The following GIGYF2 variants were observed in gnomAD, a reference collection of about 807,000 sequenced individuals.
GIGYF2 encodes the protein GRB10 interacting GYF protein 2.
A neutral mutation model predicts 208.1 loss-of-function variants in GIGYF2; 25 were observed. That is an observed-to-expected ratio of 0.12 (90% confidence interval 0.09 to 0.17). The LOEUF is 0.17. Among genes scored for constraint, GIGYF2 ranks in the 10% least tolerant of loss-of-function variants. GIGYF2 has a pLI of 1.00. For missense variants in GIGYF2, 1,302 were observed against 1,579.4 expected (o/e 0.82, Z 2.98); for synonymous variants, 534 against 543.8 (o/e 0.98, Z 0.25).
intron 27 of GIGYF2, among the ~76,000 whole-genome samples, chr2:232,849,252 A>G (rs1034825833): frequency 6.6e-6 from 1 of 151,872 alleles, no homozygotes; most frequent in African/African-American, 2.4e-5. Context: ...GCAACCTCCA[A>G]CTCCCGGGTT....
intron 21 of GIGYF2, among the ~76,000 whole-genome samples, chr2:232,829,830 CAT>C (rs1177819025): frequency 3.3e-5 from 5 of 152,140 alleles, no homozygotes; most frequent in Admixed American, 1.3e-4. Context: ...TTAGGCAAAA[CAT>C]AAATAAAAAT....
chr2:232,818,953 C>A (rs1700994069), intron 20 of GIGYF2, among the ~76,000 whole-genome samples: 1 of 151,952 alleles, frequency 6.6e-6, no homozygotes, highest in Non-Finnish European at 1.5e-5. Context: ...GAGGTATATA[C>A]TTTTAATATT....
intron 2 of GIGYF2, chr2:232,729,792 G>C (rs966127708): frequency 4.8e-5 from 36 of 748,932 alleles, no homozygotes; most frequent in South Asian, 2.0e-4. Context: ...ACTTGGCAAC[G>C]AGTGCAGGTT....
Position 232,794,833 on chromosome 2 carries a change from C to G in GIGYF2, c.1368C>G (p.Pro456=). The G allele has an allele frequency of 1.2e-6, 2 of 1,613,744 alleles. No homozygotes were observed. The highest frequency in any genetic ancestry group is 1.7e-6 in the Non-Finnish European group (2 of 1,179,692). The part of the protein sequence containing the change: ...SPLLILPPPV[P]NPSPTLRPVE... ...TTCTCATACTTCCACCTCCTGTTCC[C>G]AATCCTAGTCCTACTCTCCGGCCAG... The change falls in exon 13 of 29, where the codon CCC becomes CCG. Residue 456 remains proline (P), a synonymous_variant. Transcript: ENST00000373563.
intron 5 of GIGYF2, 87 bp downstream of exon 5, chr2:232,749,169 G>A: frequency 1.3e-6 from 1 of 784,924 alleles, no homozygotes; most frequent in Non-Finnish European, 2.3e-6. Context: ...ATGCTCTAAG[G>A]ATTATCCTGC....
intron 2 of GIGYF2, among the ~76,000 whole-genome samples, chr2:232,712,794 A>C (rs1364532472): frequency 6.6e-6 from 1 of 152,198 alleles, no homozygotes; most frequent in African/African-American, 2.4e-5. Flanking sequence ...ACATTTATGT[A>C]TGTTACATTG....
At chr2:232,786,862 A>G (rs571160785) in intron 8 of GIGYF2, among the ~76,000 whole-genome samples, 10 of 152,292 alleles carry the variant, frequency 6.6e-5, no homozygotes, top group Admixed American at 2.0e-4. Context: ...CCTTCTGGGG[A>G]GTACGACTCT....
chr2:232,806,766 G>A lies in GIGYF2; in HGVS notation c.1806+109G>A. 1.2e-6 allele frequency: 1 copy of A among 826,796 alleles called. No individual in the cohort carries two copies. Among genetic ancestry groups the A allele is most frequent in the Non-Finnish European group, 2.1e-6 (1 of 473,094 alleles). 51.2% of individuals were successfully genotyped at this position (826,796 alleles called of 1,614,324 possible). A position where few individuals can be genotyped will look rare whatever the true frequency, so the allele number is the denominator to read the frequency against. ...TCTAATGAAGGAATTGTAGTTCTTTGAAATTAATGGAAATGGTAAGGGAAA... is the reference window on the plus strand; with the variant it reads ...TCTAATGAAGGAATTGTAGTTCTTTAAAATTAATGGAAATGGTAAGGGAAA... On this transcript the variant is annotated intron_variant, in intron 15 of 28. Transcript: ENST00000373563. This position sits in a 1 kb window ranked among gnomAD's most constrained non-coding sequence, Gnocchi z 4.0.
Position 232,787,246 on chromosome 2 carries a change from A to G in GIGYF2, c.629A>G (p.Glu210Gly). 6.2e-7 allele frequency: 1 copy of G among 1,614,058 alleles called. No individual in the cohort carries two copies. Among genetic ancestry groups the G allele is most frequent in the African/African-American group, 1.3e-5 (1 of 75,026 alleles). The part of the protein sequence containing the change: ...ESENWRIFRE[E>G]QNGEDEDGGW... ...GAAAATTGGCGCATCTTTAGAGAGG[A>G]ACAAAATGGAGAAGATGAAGATGGA... Residue 210 changes from glutamate (E) to glycine (G), a missense_variant, in exon 9 of 29, where the codon GAA becomes GGA. Glu to Gly is a moderately conservative substitution (Grantham distance 98). Around this residue, in one of 8 missense-constraint regions of GIGYF2, gnomAD observed 189 missense variants for 257.7 expected, o/e 0.73. Coordinates refer to ENST00000373563, the MANE Select transcript of GIGYF2 (RefSeq NM_001103146.3).
At chr2:232,740,405 C>T (rs1372603159) in intron 3 of GIGYF2, among the ~76,000 whole-genome samples, 1 of 152,126 alleles carries the variant, frequency 6.6e-6, no homozygotes, top group Non-Finnish European at 1.5e-5. Flanking sequence ...AAGAAAGCTC[C>T]TTTGGGAGTT....
intron 16 of GIGYF2, 84 bp from the exon 17 acceptor site, chr2:232,811,160 G>T (rs1307176229): frequency 1.3e-6 from 1 of 759,292 alleles, no homozygotes; most frequent in South Asian, 1.4e-5. Context: ...GGGGGGCTTT[G>T]AATTGAACTT....
chr2:232,746,582 C>T (rs1467305543), intron 3 of GIGYF2, among the ~76,000 whole-genome samples: 1 of 152,096 alleles, frequency 6.6e-6, no homozygotes, highest in Non-Finnish European at 1.5e-5. Flanking sequence ...GTTTTCTTCC[C>T]TTTTTCCCCA....
intron 8 of GIGYF2, chr2:232,776,404 C>A: frequency 3.2e-6 from 5 of 1,553,276 alleles, no homozygotes; most frequent in Non-Finnish European, 4.4e-6. Flanking sequence ...TTCCCTGTTT[C>A]CCATAAGGAA....
At chr2:232,820,922 C>T (rs1410304775) in intron 21 of GIGYF2, among the ~76,000 whole-genome samples, 3 of 151,834 alleles carry the variant, frequency 2.0e-5, no homozygotes, top group Admixed American at 6.6e-5. Context: ...CCTCCACCTC[C>T]CCAGCTCAAG....
chr2:232,762,687 A>G (rs76666688), intron 8 of GIGYF2, among the ~76,000 whole-genome samples: 9 of 152,292 alleles, frequency 5.9e-5, no homozygotes, highest in Non-Finnish European at 1.0e-4. Context: ...TAAAGATATC[A>G]ATAATTAAAA....
At chr2:232,790,120 CTG>C (rs1700027903) in intron 9 of GIGYF2, among the ~76,000 whole-genome samples, 1 of 152,090 alleles carries the variant, frequency 6.6e-6, no homozygotes, top group Non-Finnish European at 1.5e-5. Flanking sequence ...CATAAAATCT[CTG>C]TGACAACTTT....
chr2:232,828,754 A>G (rs1415358782), intron 21 of GIGYF2: 1 of 152,124 alleles, frequency 6.6e-6, no homozygotes, highest in Non-Finnish European at 1.5e-5. Flanking sequence ...AGTTTTTTTA[A>G]AAAGGAAACA....
chr2:232,768,375 G>A (rs760515492), intron 8 of GIGYF2: 1 of 1,614,144 alleles, frequency 6.2e-7, no homozygotes, highest in South Asian at 1.1e-5. Context: ...CAACAGAGAT[G>A]CAAAACAGTG....
intron 3 of GIGYF2, among the ~76,000 whole-genome samples, chr2:232,745,780 G>T (rs754836292): frequency 6.6e-6 from 1 of 152,078 alleles, no homozygotes; most frequent in African/African-American, 2.4e-5. Context: ...TCACAAACAC[G>T]TCATCACAAT....
Sources: gnomAD v4.1 joint callset for allele counts (sites outside exome capture counted in the v4.1 genomes callset) on GRCh38, gnomAD v4.1.1 for gene constraint, gnomAD v4.1.1 regional missense constraint, Gnocchi (gnomAD v3.1) non-coding constraint, MANE v1.5 for transcripts, NCBI Gene and HGNC (gene_info 2026-07-23, HGNC 2026-07-21) for gene names.